The following ERCC8 variants were observed in gnomAD, a reference collection of about 807,000 sequenced individuals.
ERCC8 encodes the protein DNA excision repair protein ERCC-8.
A neutral mutation model predicts 54.9 loss-of-function variants in ERCC8; 52 were observed. The ratio of observed to expected loss-of-function variants is 0.95; its 90% CI spans 0.76 to 1.19. The LOEUF (loss-of-function observed/expected upper bound fraction) is 1.19. ERCC8 is among the 50% of genes most tolerant of loss of function. ERCC8 has a pLI of 0.00. For missense variants in ERCC8, 514 were observed against 466.1 expected, an observed-to-expected ratio of 1.10 and a Z score of -0.95; for synonymous variants, 146 against 157.2, an observed-to-expected ratio of 0.93 and a Z score of 0.53.
At chr5:60,878,904 C>T (rs2112459058) in intron 11 of ERCC8, among the ~76,000 whole-genome samples, 1 of 152,290 alleles carries the variant, frequency 6.6e-6, no homozygotes, top group East Asian at 1.9e-4. Context: ...TTCTTACCTT[C>T]TGCTAGCTTT....
intron 3 of ERCC8, among the ~76,000 whole-genome samples, chr5:60,918,808 C>T (rs1749516245): frequency 6.6e-6 from 1 of 152,048 alleles, no homozygotes; most frequent in South Asian, 2.1e-4. Context: ...CACACACCTC[C>T]ATGGTATTCT....
rs771845197 is a variant in ERCC8 at position 60,891,111 on chromosome 5, A to G, written c.844-25T>C. 28 of 1,454,524 alleles carry G rather than the reference A, an allele frequency of 1.9e-5. No homozygotes were observed. In the Admixed American group the frequency reaches 4.7e-4, roughly 24 times the overall value. 90.1% of individuals were successfully genotyped at this position (1,454,524 alleles called of 1,614,324 possible). ...CCTGTAGGATTAAAATAATAAGGTT[A>G]CTCATCTCTGAAATCTGAATTTAAA... On this transcript the variant is annotated intron_variant, in intron 9 of 11. Coordinates refer to ENST00000676185, the MANE Select transcript of ERCC8 (RefSeq NM_000082.4).
At chr5:60,900,529 T>G (rs1215179764) in intron 7 of ERCC8, 1 of 152,040 alleles carries the variant, frequency 6.6e-6, no homozygotes, top group Non-Finnish European at 1.5e-5. Flanking sequence ...AAGCCTATTT[T>G]TTATTTAATT....
chr5:60,930,374 T>C (rs1346901529), intron 1 of ERCC8, among the ~76,000 whole-genome samples: 1 of 152,206 alleles, frequency 6.6e-6, no homozygotes, highest in African/African-American at 2.4e-5. Context: ...CTGGCCAACA[T>C]GGTGAAACCC....
intron 11 of ERCC8, among the ~76,000 whole-genome samples, chr5:60,875,619 A>T (rs1006615995): frequency 6.6e-6 from 1 of 152,214 alleles, no homozygotes; most frequent in Non-Finnish European, 1.5e-5. Flanking sequence ...TTTTATTCAG[A>T]TTCCAATTCC....
chr5:60,903,814 C>T (rs1325435526), intron 5 of ERCC8, 98 bp from the exon 6 acceptor site: 5 of 1,208,406 alleles, frequency 4.1e-6, no homozygotes, highest in Non-Finnish European at 6.0e-6. Context: ...TTCACTGTAT[C>T]CATGCAGAAA....
In ERCC8 at chr5:60,873,929, C is replaced by T. The variant is rs1747922169; in HGVS notation, c.*686G>A. On this transcript the variant is annotated 3_prime_UTR_variant, in exon 12 of 12. Coordinates refer to ENST00000676185, the MANE Select transcript of ERCC8 (RefSeq NM_000082.4). ...TTGAATTAATGAGGCAGGATTTGGT[C>T]ATACCTTAATGAGTTTCACAGAAAA... 6.6e-6 allele frequency: 1 copy of T among 152,128 alleles called. No homozygotes were observed. The highest frequency in any genetic ancestry group is 2.1e-4 in the South Asian group (1 of 4,826). 9.4% of individuals were successfully genotyped at this position (152,128 alleles called of 1,614,324 possible).
In ERCC8 at chr5:60,874,389, C is replaced by A; in HGVS notation, c.*226G>T. On this transcript the variant is annotated 3_prime_UTR_variant, in exon 12 of 12. Coordinates refer to ENST00000676185, the MANE Select transcript of ERCC8 (RefSeq NM_000082.4). ...CTTGTACTGTAGCAATGAGGGCTTTCCCAGGCCACAACATCTGGGATCAAG... is the reference window on the plus strand; with the variant it reads ...CTTGTACTGTAGCAATGAGGGCTTTACCAGGCCACAACATCTGGGATCAAG... 2.0e-6 allele frequency: 1 copy of A among 512,368 alleles called. No individual in the cohort carries two copies. Among genetic ancestry groups the A allele is most frequent in the South Asian group, 2.5e-5 (1 of 40,312 alleles). The allele number at this position is 512,368 out of a possible 1,614,324, so 31.7% of individuals were successfully genotyped here.
chr5:60,902,599 G>A, intron 6 of ERCC8, 91 bp from the exon 7 acceptor site: 2 of 964,302 alleles, frequency 2.1e-6, no homozygotes, highest in Non-Finnish European at 3.4e-6. Context: ...TGAAGAAAGT[G>A]AGGCCAAATA....
intron 4 of ERCC8, among the ~76,000 whole-genome samples, chr5:60,916,060 G>C (rs970493551): frequency 2.0e-5 from 3 of 151,934 alleles, no homozygotes; most frequent in Non-Finnish European, 2.9e-5. Context: ...CATGTGACTG[G>C]GGAAAATTGC....
intron 11 of ERCC8, among the ~76,000 whole-genome samples, chr5:60,884,497 CTA>C (rs1359762728): frequency 2.9e-5 from 4 of 139,994 alleles, no homozygotes; most frequent in African/African-American, 5.3e-5. Context: ...AAAAAAAAGA[CTA>C]TGTGTATGTA....
intron 4 of ERCC8, among the ~76,000 whole-genome samples, chr5:60,906,711 G>A (rs1187829759): frequency 4.6e-5 from 7 of 150,816 alleles, no homozygotes; most frequent in South Asian, 2.1e-4. Context: ...CCTGGGCAAC[G>A]GAGCAAAACT....
chr5:60,867,157 G>T lies in ERCC8; in HGVS notation c.*7458C>A, dbSNP rs1747769912. 6.6e-6 allele frequency among the ~76,000 whole-genome samples: 1 copy of T among 151,664 alleles called. No homozygotes were observed. The highest frequency in any genetic ancestry group is 2.4e-5 in the African/African-American group (1 of 41,290). Reference sequence around the variant, plus strand: ...AGCCCTTCCTTCATTTTTAACCAATGAAAAAAGAAGGAAAAAAAATATCCA... The same window carrying T: ...AGCCCTTCCTTCATTTTTAACCAATTAAAAAAGAAGGAAAAAAAATATCCA... On this transcript the variant is annotated 3_prime_UTR_variant, in exon 12 of 12. Transcript: ENST00000676185.
At chr5:60,892,277 A>T in intron 9 of ERCC8, 1 of 555,326 alleles carries the variant, frequency 1.8e-6, no homozygotes, top group South Asian at 1.4e-5. Context: ...TATTTCCATC[A>T]TCGGAGAATG....
chr5:60,894,129 C>G (rs570401917), intron 9 of ERCC8, among the ~76,000 whole-genome samples: 4 of 151,862 alleles, frequency 2.6e-5, no homozygotes, highest in Non-Finnish European at 5.9e-5. Flanking sequence ...GGACTACAGG[C>G]GACCGCCACC....
chr5:60,918,282 C>T lies in ERCC8; in HGVS notation c.382G>A (p.Asp128Asn), dbSNP rs561366032. 53 of 1,597,882 alleles carry T rather than the reference C, an allele frequency of 3.3e-5. No homozygotes were observed. The highest frequency in any genetic ancestry group is 3.7e-5 in the Non-Finnish European group (43 of 1,166,034). Residue 128 changes from aspartate to asparagine, a missense_variant, in exon 4 of 12, where the codon GAT (aspartate) becomes AAT (asparagine). Transcript: ENST00000676185. Reference protein sequence around the residue: ...SSFDKTLKVWDTNTLQTADVF... With the variant: ...SSFDKTLKVWNTNTLQTADVF... ...GTACTTACTTGTAATGTATTTGTATCCCATACTTTCAGAGTTTTATCAAAT... is the reference window on the plus strand; with the variant it reads ...GTACTTACTTGTAATGTATTTGTATTCCATACTTTCAGAGTTTTATCAAAT...
At chr5:60,934,760 C>A (rs1166000153) in intron 1 of ERCC8, among the ~76,000 whole-genome samples, 1 of 152,148 alleles carries the variant, frequency 6.6e-6, no homozygotes, top group Non-Finnish European at 1.5e-5. Flanking sequence ...AGATGAAGAT[C>A]CATTTTCATT....
intron 11 of ERCC8, 107 bp downstream of exon 11, chr5:60,887,333 C>A: frequency 1.1e-6 from 1 of 930,106 alleles, no homozygotes; most frequent in South Asian, 1.4e-5. Context: ...ACTATAGGTG[C>A]ATGCCACTGG....
rs1747780790 is a variant in ERCC8 at position 60,867,623 on chromosome 5, A to G, written c.*6992T>C. The stretch of plus-strand genomic sequence containing the variant: ...TATTAGGAATGTTCTTTGTTTTAGC[A>G]TAAGTTTGAACAGTGTATTTATTTA... On this transcript the variant is annotated 3_prime_UTR_variant, in exon 12 of 12. Coordinates refer to ENST00000676185, the MANE Select transcript of ERCC8 (RefSeq NM_000082.4). 2.0e-5 allele frequency among the ~76,000 whole-genome samples: 3 copies of G among 152,212 alleles called. No individual in the cohort carries two copies. The highest frequency in any genetic ancestry group is 4.8e-5 in the African/African-American group (2 of 41,460).
Sources: gnomAD v4.1 joint callset for allele counts (sites outside exome capture counted in the v4.1 genomes callset) on GRCh38, gnomAD v4.1.1 for gene constraint, MANE v1.5 for transcripts, NCBI Gene and HGNC (gene_info 2026-07-23, HGNC 2026-07-21) for gene names.